Variants in MACROH2A1 observed in about 807,000 individuals in gnomAD.
MACROH2A1 encodes the protein macroH2A.1 histone, also known as core histone macro-H2A.1.
MACROH2A1 carries 2 observed loss-of-function variants against 31.6 expected under a neutral mutation model. The observed-to-expected ratio is 0.06, with a 90% CI of 0.03 to 0.20. MACROH2A1 has a LOEUF of 0.20. Ranked by LOEUF, MACROH2A1 falls within the 10% of genes least tolerant of loss-of-function variation. MACROH2A1 has a pLI of 1.00. For missense variants in MACROH2A1, 230 were observed against 474.0 expected (o/e 0.49, Z 4.78); for synonymous variants, 169 against 189.6 (o/e 0.89, Z 0.89).
chr5:135,372,191 G>C (rs1764257253), intron 2 of MACROH2A1, among the ~76,000 whole-genome samples: 3 of 152,190 alleles, frequency 2.0e-5, no homozygotes, highest in Admixed American at 2.0e-4. Context: ...GGAGGCCCCT[G>C]TCTTCTCAGT....
chr5:135,395,343 T>C lies in MACROH2A1; in HGVS notation c.-34+3719A>G, dbSNP rs143990348. ...TAAGCAATGAATACATGCCTATTGA[T>C]CCCATGCAATATTGATTAGAACTGC... is the stretch of plus-strand genomic sequence containing the variant. On this transcript the variant is annotated intron_variant, in intron 1 of 8. Transcript: ENST00000511689. 2.1e-3 allele frequency among the ~76,000 whole-genome samples: 321 copies of C among 152,308 alleles called. 2 individuals are homozygous for C. The highest frequency in any genetic ancestry group is 7.3e-3 in the African/African-American group (303 of 41,576).
At chr5:135,350,577 A>AT (rs1360037484) in intron 6 of MACROH2A1, 7 of 450,978 alleles carry the variant, frequency 1.6e-5, no homozygotes, top group Non-Finnish European at 2.8e-5. Flanking sequence ...TGAAGAAACG[A>AT]TTCTGCTGAA....
chr5:135,395,990 A>G (rs896224651), intron 1 of MACROH2A1, among the ~76,000 whole-genome samples: 1 of 152,186 alleles, frequency 6.6e-6, no homozygotes. Context: ...AAACACAAAC[A>G]CAAATGTCAT....
chr5:135,359,411 AT>A (rs1334158931), intron 5 of MACROH2A1: 106 of 985,132 alleles, frequency 1.1e-4, no homozygotes, highest in Non-Finnish European at 1.2e-4. Flanking sequence ...AAACTTTCAA[AT>A]CCCCAGACCT....
intron 2 of MACROH2A1, among the ~76,000 whole-genome samples, chr5:135,375,970 G>A (rs572980405): frequency 2.0e-4 from 30 of 152,204 alleles, no homozygotes; most frequent in African/African-American, 7.0e-4. Context: ...TCCCTTGGTG[G>A]CTCTGAGTGT....
At chr5:135,350,084 A>T (rs1761330032) in intron 6 of MACROH2A1, among the ~76,000 whole-genome samples, 1 of 152,158 alleles carries the variant, frequency 6.6e-6, no homozygotes, top group Non-Finnish European at 1.5e-5. Flanking sequence ...TCCTGCCAGG[A>T]ATCTGCAGCC....
chr5:135,374,124 A>T (rs1306798400), intron 2 of MACROH2A1, among the ~76,000 whole-genome samples: 2 of 152,096 alleles, frequency 1.3e-5, no homozygotes, highest in African/African-American at 2.4e-5. Flanking sequence ...CCCAGAATAC[A>T]CACTCATCCC....
Position 135,369,718 on chromosome 5 carries a change from T to C in MACROH2A1, c.280-115A>G, listed in dbSNP as rs769411130. 15 of 758,440 alleles carry C rather than the reference T, an allele frequency of 2.0e-5. No homozygotes were observed. The highest frequency in any genetic ancestry group is 1.0e-4 in the African/African-American group (6 of 57,712). The allele number at this position is 758,440 out of a possible 1,614,324, so 47.0% of individuals were successfully genotyped here. ...TGGGTTGGTGCAGCTCCTTCCTCCA[T>C]GGCATCCTCCATGAGGATGCTGCCA... On this transcript the variant is annotated intron_variant, in intron 3 of 8. Transcript: ENST00000511689. The surrounding 1 kb of genome is among the most constrained non-coding windows in gnomAD (Gnocchi z 4.3).
At chr5:135,347,496 C>G (rs1760998888) in intron 6 of MACROH2A1, 1 of 152,226 alleles carries the variant, frequency 6.6e-6, no homozygotes, top group African/African-American at 2.4e-5. Context: ...AGACTGCCCT[C>G]CTGCCTCTAC....
chr5:135,350,583 C>G, intron 6 of MACROH2A1: 1 of 457,468 alleles, frequency 2.2e-6, no homozygotes, highest in Non-Finnish European at 3.9e-6. Context: ...AACGATTCTG[C>G]TGAACCAGTT....
chr5:135,354,075 A>G (rs553939724), intron 5 of MACROH2A1: 1 of 152,396 alleles, frequency 6.6e-6, no homozygotes, highest in African/African-American at 2.4e-5. Context: ...GCAATGCCTG[A>G]GTAGCCCTAG....
At chr5:135,351,710 G>A (rs936103808) in intron 6 of MACROH2A1, among the ~76,000 whole-genome samples, 4 of 151,174 alleles carry the variant, frequency 2.6e-5, no homozygotes, top group Admixed American at 2.0e-4. Flanking sequence ...CTACAGGCAC[G>A]TGTCACCAAG....
At chr5:135,342,014 C>T (rs899975422) in intron 8 of MACROH2A1, among the ~76,000 whole-genome samples, 3 of 152,252 alleles carry the variant, frequency 2.0e-5, no homozygotes, top group Admixed American at 1.3e-4. Flanking sequence ...CCTGCCAATA[C>T]AGAACCCCAG....
intron 7 of MACROH2A1, 88 bp from the exon 8 acceptor site, chr5:135,343,522 G>A (rs1010317312): frequency 4.4e-5 from 69 of 1,566,388 alleles, no homozygotes; most frequent in Non-Finnish European, 5.5e-5. Context: ...CCCCTGCCAC[G>A]GTATATCTTC....
At chr5:135,363,203 AAAAG>A (rs1006416668) in intron 4 of MACROH2A1, among the ~76,000 whole-genome samples, 11 of 152,306 alleles carry the variant, frequency 7.2e-5, no homozygotes, top group South Asian at 6.2e-4. Context: ...TACAAAAAAA[AAAAG>A]AAAGAAAGAA....
intron 8 of MACROH2A1, among the ~76,000 whole-genome samples, chr5:135,338,778 C>G (rs1038510509): frequency 2.6e-5 from 4 of 152,196 alleles, no homozygotes; most frequent in African/African-American, 9.6e-5. Flanking sequence ...TGTCCTACAG[C>G]TGTGCTGCCT....
intron 8 of MACROH2A1, among the ~76,000 whole-genome samples, chr5:135,335,503 T>C (rs538601745): frequency 6.6e-6 from 1 of 152,198 alleles, no homozygotes; most frequent in Non-Finnish European, 1.5e-5. Context: ...GCCTGAGCCA[T>C]AGCCCAGGCT....
intron 2 of MACROH2A1, among the ~76,000 whole-genome samples, chr5:135,385,968 G>A (rs1036091097): frequency 3.3e-5 from 5 of 152,276 alleles, no homozygotes; most frequent in Non-Finnish European, 7.3e-5. Context: ...CATGTGGAGT[G>A]AATGAGAAAA....
chr5:135,378,299 C>G (rs1398944550), intron 2 of MACROH2A1, among the ~76,000 whole-genome samples: 2 of 152,244 alleles, frequency 1.3e-5, no homozygotes, highest in Non-Finnish European at 2.9e-5. Context: ...CCGCCCCTTC[C>G]CGGCGGGCCA....
Sources: gnomAD v4.1 joint callset for allele counts (sites outside exome capture counted in the v4.1 genomes callset) on GRCh38, gnomAD v4.1.1 for gene constraint, Gnocchi (gnomAD v3.1) non-coding constraint, MANE v1.5 for transcripts, NCBI Gene and HGNC (gene_info 2026-07-23, HGNC 2026-07-21) for gene names.